DLG2: variants seen among roughly 807,000 people sequenced by gnomAD.
DLG2 encodes the protein disks large homolog 2.
DLG2 carries 45 observed loss-of-function variants against 132.5 expected under a neutral mutation model. That is an observed-to-expected ratio of 0.34 (90% CI 0.27 to 0.44). The LOEUF (loss-of-function observed/expected upper bound fraction) is 0.44. Ranked by LOEUF, DLG2 falls within the 20% of genes least tolerant of loss-of-function variation. DLG2 has a pLI of 1.00. For synonymous variants in DLG2, 424 were observed against 419.6 expected (o/e 1.01, Z -0.13); for missense variants, 1,045 against 1,196.9 (o/e 0.87, Z 1.87).
intron 10 of DLG2, among the ~76,000 whole-genome samples, chr11:84,075,477 T>C (rs569448922): frequency 6.6e-6 from 1 of 152,296 alleles, no homozygotes; most frequent in South Asian, 2.1e-4. Flanking sequence ...TGAATAATAG[T>C]TCTTCCTAGT....
intron 7 of DLG2, among the ~76,000 whole-genome samples, chr11:84,363,438 A>C (rs546115771): frequency 6.6e-6 from 1 of 151,930 alleles, no homozygotes; most frequent in South Asian, 2.1e-4. Flanking sequence ...AGGTTGTGAA[A>C]ATTTTCTCCC....
chr11:84,356,238 G>A (rs932114525), intron 7 of DLG2, among the ~76,000 whole-genome samples: 1 of 152,050 alleles, frequency 6.6e-6, no homozygotes, highest in South Asian at 2.1e-4. Flanking sequence ...ATAAAGACCA[G>A]CTTTTTCTAG....
At chr11:85,609,756 C>G (rs537787754) in intron 2 of DLG2, among the ~76,000 whole-genome samples, 29 of 152,298 alleles carry the variant, frequency 1.9e-4, no homozygotes, top group Admixed American at 9.8e-4. Flanking sequence ...CCATTGAGGG[C>G]CAGGAAATTG....
At chr11:85,466,655 T>C (rs2092801593) in intron 3 of DLG2, among the ~76,000 whole-genome samples, 1 of 152,222 alleles carries the variant, frequency 6.6e-6, no homozygotes, top group Non-Finnish European at 1.5e-5. Flanking sequence ...CTCTGTCCTG[T>C]TCCATTGGTC....
intron 6 of DLG2, among the ~76,000 whole-genome samples, chr11:84,972,051 T>C (rs2054170625): frequency 1.3e-5 from 2 of 152,064 alleles, no homozygotes; most frequent in Non-Finnish European, 2.9e-5. Flanking sequence ...TACTTATGAC[T>C]CAGAGGGGGG....
intron 3 of DLG2, among the ~76,000 whole-genome samples, chr11:85,488,654 G>T (rs1046916891): frequency 6.6e-6 from 1 of 152,132 alleles, no homozygotes; most frequent in African/African-American, 2.4e-5. Context: ...AAATAAACAA[G>T]AGTATTCCCA....
At chr11:85,373,281 C>T (rs937129711) in intron 3 of DLG2, among the ~76,000 whole-genome samples, 1 of 152,090 alleles carries the variant, frequency 6.6e-6, no homozygotes, top group Non-Finnish European at 1.5e-5. Context: ...TACATGTTTC[C>T]TAATAATCTG....
At chr11:84,914,980 GAAGT>G (rs550342326) in intron 6 of DLG2, among the ~76,000 whole-genome samples, 9 of 152,168 alleles carry the variant, frequency 5.9e-5, no homozygotes, top group Non-Finnish European at 1.3e-4. Context: ...CAGGGACAGG[GAAGT>G]AAGCACCGAT....
At chr11:84,474,604 G>A (rs1187794140) in intron 7 of DLG2, among the ~76,000 whole-genome samples, 1 of 151,968 alleles carries the variant, frequency 6.6e-6, no homozygotes, top group East Asian at 1.9e-4. Flanking sequence ...GAGGCAACAG[G>A]CTCAGATAAA....
intron 17 of DLG2, among the ~76,000 whole-genome samples, chr11:83,811,368 G>A (rs914492413): frequency 8.5e-5 from 13 of 152,082 alleles, no homozygotes; most frequent in Admixed American, 6.6e-4. Context: ...GCAAGAGTCT[G>A]TATTAGGTTG....
At chr11:84,986,193 A>T (rs2056468209) in intron 6 of DLG2, among the ~76,000 whole-genome samples, 1 of 152,088 alleles carries the variant, frequency 6.6e-6, no homozygotes, top group South Asian at 2.1e-4. Flanking sequence ...CACATAAACT[A>T]GAAAACCTAG....
chr11:85,296,875 T>C (rs2079258081), intron 3 of DLG2, among the ~76,000 whole-genome samples: 1 of 150,002 alleles, frequency 6.7e-6, no homozygotes, highest in African/African-American at 2.4e-5. Context: ...ATAATTATGA[T>C]GTAATTTTAT....
intron 8 of DLG2, among the ~76,000 whole-genome samples, chr11:84,237,665 G>A (rs1243899500): frequency 6.6e-6 from 1 of 152,106 alleles, no homozygotes; most frequent in African/African-American, 2.4e-5. Flanking sequence ...CCAGCTCTTC[G>A]TGTATTTAAA....
intron 7 of DLG2, among the ~76,000 whole-genome samples, chr11:84,285,902 G>A (rs1254067690): frequency 6.6e-6 from 1 of 152,086 alleles, no homozygotes; most frequent in South Asian, 2.1e-4. Flanking sequence ...ATATTTGTTG[G>A]ATAAATGAAT....
chr11:84,103,301 C>A (rs931294088), intron 9 of DLG2, among the ~76,000 whole-genome samples: 2 of 152,124 alleles, frequency 1.3e-5, no homozygotes, highest in Non-Finnish European at 2.9e-5. Flanking sequence ...ATGGCTGAAT[C>A]ACTTCAATCC....
chr11:85,459,264 C>A (rs2092524500), intron 3 of DLG2, among the ~76,000 whole-genome samples: 1 of 152,194 alleles, frequency 6.6e-6, no homozygotes. Flanking sequence ...GCCACTGCTA[C>A]TGGGAAAATT....
intron 9 of DLG2, among the ~76,000 whole-genome samples, chr11:84,130,521 CACATAT>C (rs1335510857): frequency 8.1e-6 from 1 of 122,718 alleles, no homozygotes; most frequent in African/African-American, 3.4e-5. Context: ...CACACACACA[CACATAT>C]ATGTGTGTGT....
chr11:84,672,503 T>A (rs947712258), intron 6 of DLG2, among the ~76,000 whole-genome samples: 2 of 152,182 alleles, frequency 1.3e-5, no homozygotes, highest in African/African-American at 4.8e-5. Context: ...AGCCTTACAA[T>A]AAGTTTAAGT....
At chr11:85,388,954 CCAAAAGATCA>C in intron 3 of DLG2, among the ~76,000 whole-genome samples, 1 of 152,086 alleles carries the variant, frequency 6.6e-6, no homozygotes, top group Middle Eastern at 3.4e-3. Flanking sequence ...TCTAATGCCC[CCAAAAGATCA>C]CAATAGCTCA....
Sources: gnomAD v4.1 joint callset for allele counts (sites outside exome capture counted in the v4.1 genomes callset) on GRCh38, gnomAD v4.1.1 for gene constraint, MANE v1.5 for transcripts, NCBI Gene and HGNC (gene_info 2026-07-23, HGNC 2026-07-21) for gene names.